The following KMT5B variants were observed in gnomAD, a reference collection of about 807,000 sequenced individuals.
The protein encoded by KMT5B is lysine methyltransferase 5B.
In KMT5B, 10 loss-of-function variants were observed where a neutral mutation model predicts 83.2. That is an observed-to-expected ratio of 0.12 (90% confidence interval 0.07 to 0.20). The LOEUF is 0.20. Among genes scored for constraint, KMT5B ranks in the 10% least tolerant of loss-of-function variants. KMT5B has a pLI of 1.00. For synonymous variants in KMT5B, 349 were observed against 388.8 expected, an observed-to-expected ratio of 0.90 and a Z score of 1.20; for missense variants, 753 against 1,067.2, an observed-to-expected ratio of 0.71 and a Z score of 4.10.
intron 9 of KMT5B, among the ~76,000 whole-genome samples, chr11:68,168,290 G>A (rs999091269): frequency 7.4e-5 from 11 of 149,396 alleles, no homozygotes; most frequent in Admixed American, 6.7e-4. Context: ...TTTCCTATTT[G>A]ACTATGTCTT....
At chr11:68,167,633 T>G (rs1479642993) in intron 9 of KMT5B, among the ~76,000 whole-genome samples, 2 of 152,142 alleles carry the variant, frequency 1.3e-5, no homozygotes, top group Non-Finnish European at 1.5e-5. Context: ...TTTTAAATTT[T>G]TTTTTGTAGA....
rs781722334 is a variant in KMT5B, at chr11:68,171,112, G to A, written c.880C>T (p.Leu294=). 2 of 1,610,832 alleles carry A rather than the reference G, an allele frequency of 1.2e-6. No homozygotes were observed. Among genetic ancestry groups the A allele is most frequent in the Admixed American group, 1.7e-5 (1 of 59,046 alleles). The change falls in exon 9 of 11, where the codon CTA becomes TTA. Residue 294 remains leucine, a synonymous_variant. Coordinates refer to ENST00000304363, the MANE Select transcript of KMT5B (RefSeq NM_017635.5). This position sits in a 1 kb window ranked among gnomAD's most constrained non-coding sequence, Gnocchi z 5.1. ...TGRDTACVKA[L]RDIEPGEEIS... is the part of the protein sequence containing the mutation. ...TCTTCTCCAGGTTCAATGTCTCTTAGAGCCTTCACACATGCTGTATCTCGA... is the reference window on the plus strand; with the variant it reads ...TCTTCTCCAGGTTCAATGTCTCTTAAAGCCTTCACACATGCTGTATCTCGA...
At chr11:68,176,466 T>G (rs1856388764) in intron 4 of KMT5B, 1 of 152,218 alleles carries the variant, frequency 6.6e-6, no homozygotes, top group Non-Finnish European at 1.5e-5. Context: ...AAAAAAAGTT[T>G]TATTTTATTT....
Position 68,158,424 on chromosome 11 carries a change from GCGT to G in KMT5B, c.1919_1921del (p.Asp640del), listed in dbSNP as rs1859459407. 2 of 1,614,078 alleles carry G rather than the reference GCGT, an allele frequency of 1.2e-6. No homozygotes were observed. Among genetic ancestry groups the G allele is most frequent in the Non-Finnish European group, 1.7e-6 (2 of 1,179,974 alleles). ...ATGGGGACCCATCAAATCTGGTACCGCGTCGTCTTTTCCAGGAGAATCGTGCAC... is the reference window on the plus strand; with the variant it reads ...ATGGGGACCCATCAAATCTGGTACCGCGTCTTTTCCAGGAGAATCGTGCAC... On this transcript the variant is annotated inframe_deletion, in exon 11 of 11. Transcript: ENST00000304363.
At chr11:68,187,419 T>C (rs534054704) in intron 2 of KMT5B, among the ~76,000 whole-genome samples, 36 of 152,392 alleles carry the variant, frequency 2.4e-4, no homozygotes, top group South Asian at 1.9e-3. Flanking sequence ...TGTTTTCTGA[T>C]TTCCTTTTTG....
intron 1 of KMT5B, among the ~76,000 whole-genome samples, chr11:68,197,800 G>A (rs1177851435): frequency 6.6e-6 from 1 of 152,192 alleles, no homozygotes; most frequent in African/African-American, 2.4e-5. Context: ...ATGTAGCCTA[G>A]CAGAGAGAGA....
chr11:68,199,834 G>T (rs1310842751), intron 1 of KMT5B, among the ~76,000 whole-genome samples: 2 of 152,238 alleles, frequency 1.3e-5, no homozygotes, highest in African/African-American at 4.8e-5. Flanking sequence ...TCCGCTGATA[G>T]TCGGGAACTG....
At position 68,171,171 on chromosome 11, in the gene KMT5B, G is replaced by A; in HGVS notation, c.841-20C>T. 6.2e-7 allele frequency: 1 copy of A among 1,609,240 alleles called. No individual in the cohort carries two copies. Among genetic ancestry groups the A allele is most frequent in the Non-Finnish European group, 8.5e-7 (1 of 1,179,028 alleles). ...CACAAACTAAAATAAAAGTAACTCA[G>A]TAAGAAACTCACACCTGAAGCAAAA... is the stretch of plus-strand genomic sequence containing the variant. On this transcript the variant is annotated intron_variant, in intron 8 of 10. Transcript: ENST00000304363. This position sits in a 1 kb window ranked among gnomAD's most constrained non-coding sequence, Gnocchi z 5.1.
intron 3 of KMT5B, among the ~76,000 whole-genome samples, chr11:68,184,281 A>G (rs1236875017): frequency 2.0e-5 from 3 of 152,176 alleles, no homozygotes; most frequent in African/African-American, 7.2e-5. Flanking sequence ...CTGAGGCAGA[A>G]GAATCACTTG....
chr11:68,201,269 C>T (rs1054352889), intron 1 of KMT5B, among the ~76,000 whole-genome samples: 6 of 152,198 alleles, frequency 3.9e-5, no homozygotes, highest in African/African-American at 1.4e-4. Flanking sequence ...ATTTTTTCCC[C>T]AAACGTTTAC....
chr11:68,166,399 C>T, intron 10 of KMT5B: 1 of 1,017,696 alleles, frequency 9.8e-7, no homozygotes, highest in East Asian at 9.7e-5. Context: ...TTTACTCCTA[C>T]TTTCTGGAGT....
Position 68,159,134 on chromosome 11 carries a change from A to T in KMT5B, c.1212T>A (p.Asn404Lys). 6.3e-7 allele frequency: 1 copy of T among 1,579,914 alleles called. No homozygotes were observed. The highest frequency in any genetic ancestry group is 8.5e-7 in the Non-Finnish European group (1 of 1,170,266). ...GCCTCGTTAACGTTCTGCTCTTGCT[A>T]TTCTTTTTTACGCCAACTGAAGATT... ...NRKSSVGVKKNSKSRTLTRQS... is the reference protein window; with the variant it reads ...NRKSSVGVKKKSKSRTLTRQS... The change falls in exon 11 of 11, where the codon AAT becomes AAA. Residue 404 changes from asparagine to lysine, a missense_variant. Physicochemically the swap from Asn to Lys is moderately conservative, Grantham distance 94 (BLOSUM62 0). This residue lies in a region of KMT5B where 397 missense variants were observed against 395.9 expected (regional missense o/e 1.00). Transcript: ENST00000304363.
intron 3 of KMT5B, among the ~76,000 whole-genome samples, chr11:68,182,031 T>TA (rs1278831888): frequency 2.6e-5 from 4 of 152,178 alleles, no homozygotes; most frequent in South Asian, 2.1e-4. Flanking sequence ...AAAAAATACT[T>TA]AAAAAATGAT....
intron 1 of KMT5B, among the ~76,000 whole-genome samples, chr11:68,193,238 C>T (rs565357487): frequency 6.6e-6 from 1 of 152,342 alleles, no homozygotes; most frequent in East Asian, 1.9e-4. Context: ...AGCAGTCTCA[C>T]GAGTAGAACC....
chr11:68,167,998 C>G (rs960135843), intron 9 of KMT5B, among the ~76,000 whole-genome samples: 1 of 151,952 alleles, frequency 6.6e-6, no homozygotes, highest in Admixed American at 6.6e-5. Context: ...ATGGTGAAAC[C>G]CTGTCTCTAC....
chr11:68,167,341 T>C (rs1427588491), intron 9 of KMT5B, among the ~76,000 whole-genome samples, 163 bp from the exon 10 acceptor site: 1 of 152,150 alleles, frequency 6.6e-6, no homozygotes, highest in Non-Finnish European at 1.5e-5. Flanking sequence ...AAATTAAGTA[T>C]CTATATTATA....
chr11:68,168,618 G>A (rs1312538247), intron 9 of KMT5B, among the ~76,000 whole-genome samples: 1 of 152,230 alleles, frequency 6.6e-6, no homozygotes, highest in Non-Finnish European at 1.5e-5. Flanking sequence ...TTATAGGCGT[G>A]AGTCACACGT....
chr11:68,177,354 G>A (rs2065475430), intron 4 of KMT5B, among the ~76,000 whole-genome samples: 1 of 152,166 alleles, frequency 6.6e-6, no homozygotes, highest in Non-Finnish European at 1.5e-5. Context: ...GAATCAAAAG[G>A]AAGGAAGAAT....
intron 1 of KMT5B, 113 bp downstream of exon 1, chr11:68,213,025 C>G (rs1198282805): frequency 1.7e-5 from 2 of 114,864 alleles, no homozygotes; most frequent in Admixed American, 1.8e-4. Flanking sequence ...CCCGCCCTGG[C>G]CCCGGAGCCC....
Sources: allele counts gnomAD v4.1 joint callset (sites outside exome capture counted in the v4.1 genomes callset), GRCh38; gene constraint gnomAD v4.1.1; regional missense constraint gnomAD v4.1.1; non-coding constraint Gnocchi (gnomAD v3.1); transcripts MANE v1.5; gene names NCBI Gene and HGNC (gene_info 2026-07-23, HGNC 2026-07-21).